Variants in SCLT1 observed in about 807,000 individuals in gnomAD.
The protein encoded by SCLT1 is sodium channel and clathrin linker 1, also known as sodium channel-associated protein 1.
In SCLT1, 78 loss-of-function variants were observed where a neutral mutation model predicts 112.8. The observed-to-expected ratio is 0.69, with a 90% CI of 0.58 to 0.83. The LOEUF (loss-of-function observed/expected upper bound fraction) is 0.83, where lower values mean the gene tolerates loss of function less well. Among genes scored for constraint, SCLT1 ranks in the 40% least tolerant of loss-of-function variants. The probability of loss-of-function intolerance (pLI) is 0.00; values close to 1 mark genes in which losing one functional copy is unlikely to be tolerated. For missense variants in SCLT1, 747 were observed against 770.4 expected (o/e 0.97, Z 0.36); for synonymous variants, 257 against 254.7 (o/e 1.01, Z -0.09).
chr4:128,962,200 T>C (rs1739796809), intron 11 of SCLT1, among the ~76,000 whole-genome samples: 2 of 152,234 alleles, frequency 1.3e-5, no homozygotes. Context: ...GCTATAAAGT[T>C]TTTATGCTAT....
At chr4:129,059,305 T>C (rs1749737870) in intron 2 of SCLT1, among the ~76,000 whole-genome samples, 2 of 152,202 alleles carry the variant, frequency 1.3e-5, no homozygotes, top group Non-Finnish European at 2.9e-5. Flanking sequence ...GTTAAGGACT[T>C]ACTCCTGTCA....
intron 17 of SCLT1, among the ~76,000 whole-genome samples, chr4:128,939,387 G>A (rs542026408): frequency 1.3e-5 from 2 of 152,124 alleles, no homozygotes; most frequent in African/African-American, 4.8e-5. Context: ...ATAGCCTTTA[G>A]TATATACAAT....
chr4:129,029,494 A>T (rs1234027974), intron 5 of SCLT1, among the ~76,000 whole-genome samples: 1 of 146,436 alleles, frequency 6.8e-6, no homozygotes, highest in Non-Finnish European at 1.5e-5. Context: ...ACATGGACAC[A>T]GGAAGGGGAC....
chr4:128,873,273 G>GAAAAAAAAAAAAAAAAAAAA (rs1553953485), intron 5 of SCLT1: 9 of 78,674 alleles, frequency 1.1e-4, no homozygotes, highest in South Asian at 4.4e-4. Flanking sequence ...AAAAAAAAAA[G>GAAAAAAAAAAAAAAAAAAAA]AAAAAAAGAA....
At chr4:129,001,335 G>A (rs911410436) in intron 6 of SCLT1, among the ~76,000 whole-genome samples, 1 of 151,206 alleles carries the variant, frequency 6.6e-6, no homozygotes, top group Non-Finnish European at 1.5e-5. Context: ...AACTGGGGTG[G>A]TGGGGGGGTG....
At position 129,024,478 on chromosome 4, in the gene SCLT1, C is replaced by T. The variant is rs762602178; in HGVS notation, c.290+14563G>A. 6.6e-5 allele frequency among the ~76,000 whole-genome samples: 10 copies of T among 152,294 alleles called. No individual in the cohort carries two copies. The East Asian group carries it at 7.7e-4, about 12-fold the overall frequency. ...CTCTAGGAAACTCCAACAGACCTGC[C>T]GCTGAGGGTCCTGTCTGTTAGAAGG... On this transcript the variant is annotated intron_variant, in intron 5 of 20. Transcript: ENST00000281142.
chr4:128,928,198 A>C (rs1272173611), intron 18 of SCLT1, among the ~76,000 whole-genome samples: 2 of 152,144 alleles, frequency 1.3e-5, no homozygotes. Flanking sequence ...TCAAATATTC[A>C]AGGAATAAAC....
chr4:128,977,224 T>C (rs1343525498), intron 9 of SCLT1, among the ~76,000 whole-genome samples: 2 of 152,214 alleles, frequency 1.3e-5, no homozygotes, highest in African/African-American at 4.8e-5. Flanking sequence ...GCTTATAACA[T>C]GCCCGACACT....
chr4:129,048,783 G>GA (rs1314731548), intron 2 of SCLT1, among the ~76,000 whole-genome samples: 4 of 151,870 alleles, frequency 2.6e-5, no homozygotes, highest in African/African-American at 9.7e-5. Context: ...AAATTTACAA[G>GA]AAAAAAACAA....
intron 1 of SCLT1, among the ~76,000 whole-genome samples, chr4:129,087,742 C>A (rs1235802049): frequency 7.5e-6 from 1 of 132,654 alleles, no homozygotes; most frequent in East Asian, 2.2e-4. Flanking sequence ...GACAGTGAGA[C>A]CCTTGCGCAA....
At chr4:129,025,897 A>G (rs1053457149) in intron 5 of SCLT1, among the ~76,000 whole-genome samples, 1 of 152,088 alleles carries the variant, frequency 6.6e-6, no homozygotes, top group African/African-American at 2.4e-5. Context: ...AGGGCTTGCA[A>G]TCCTAGTCTC....
chr4:129,076,747 A>G (rs925437198), intron 2 of SCLT1, among the ~76,000 whole-genome samples: 1 of 152,120 alleles, frequency 6.6e-6, no homozygotes, highest in Non-Finnish European at 1.5e-5. Context: ...CTTCTTAAGC[A>G]AATCTTTTTC....
intron 5 of SCLT1, among the ~76,000 whole-genome samples, chr4:129,024,014 C>A (rs1745759939): frequency 1.3e-5 from 2 of 152,214 alleles, no homozygotes; most frequent in South Asian, 2.1e-4. Flanking sequence ...CCCAGGCTTG[C>A]TTAGGTAAAC....
intron 18 of SCLT1, among the ~76,000 whole-genome samples, chr4:128,915,259 G>T (rs1243523340): frequency 6.6e-6 from 1 of 152,194 alleles, no homozygotes; most frequent in Admixed American, 6.5e-5. Context: ...AGAGGTCTGT[G>T]TTATACGGCC....
chr4:129,040,090 C>T (rs1747567780), intron 4 of SCLT1: 2 of 677,748 alleles, frequency 3.0e-6, no homozygotes, highest in Non-Finnish European at 5.4e-6. Flanking sequence ...GGCAGTTCTG[C>T]CAGCCTTTTT....
At chr4:129,033,502 TAAA>T (rs56325033) in intron 5 of SCLT1, among the ~76,000 whole-genome samples, 496 of 44,324 alleles carry the variant, frequency 0.011, 2 homozygotes, top group African/African-American at 0.032. Flanking sequence ...GAACTTAAAG[TAAA>T]AAAAAAAAAA....
At chr4:128,928,790 C>T (rs1430295532) in intron 18 of SCLT1, among the ~76,000 whole-genome samples, 2 of 151,800 alleles carry the variant, frequency 1.3e-5, no homozygotes, top group Non-Finnish European at 2.9e-5. Flanking sequence ...TGAGATCGCG[C>T]CACTGCACTC....
chr4:129,080,266 G>T (rs1751820014), intron 2 of SCLT1, among the ~76,000 whole-genome samples: 1 of 152,154 alleles, frequency 6.6e-6, no homozygotes, highest in African/African-American at 2.4e-5. Flanking sequence ...CTATCACATG[G>T]TCAGGCTGTA....
At chr4:129,007,933 C>T (rs1039813568) in intron 5 of SCLT1, among the ~76,000 whole-genome samples, 2 of 152,120 alleles carry the variant, frequency 1.3e-5, no homozygotes, top group African/African-American at 2.4e-5. Flanking sequence ...TCAGCCCAGA[C>T]ATCGTAACAT....
Sources: gnomAD v4.1 joint callset for allele counts (sites outside exome capture counted in the v4.1 genomes callset) on GRCh38, gnomAD v4.1.1 for gene constraint, MANE v1.5 for transcripts, NCBI Gene and HGNC (gene_info 2026-07-23, HGNC 2026-07-21) for gene names.